The following CCDC85A variants were observed in gnomAD, a reference collection of about 807,000 sequenced individuals.
CCDC85A encodes the protein coiled-coil domain-containing protein 85A.
CCDC85A carries 38 observed loss-of-function variants against 50.2 expected under a neutral mutation model. That is an observed-to-expected ratio of 0.76 (90% CI 0.58 to 0.99). The LOEUF (loss-of-function observed/expected upper bound fraction) is 0.99. Among genes scored for constraint, CCDC85A ranks in the 50% least tolerant of loss-of-function variants. The pLI is 0.00. For missense variants in CCDC85A, 820 were observed against 742.0 expected (o/e 1.11, Z -1.22); for synonymous variants, 366 against 301.4 (o/e 1.21, Z -2.22).
intron 2 of CCDC85A, among the ~76,000 whole-genome samples, chr2:56,271,845 G>T (rs1164997999): frequency 6.6e-6 from 1 of 152,182 alleles, no homozygotes; most frequent in African/African-American, 2.4e-5. Context: ...AGTCGTATCA[G>T]TAGCTTTCTG....
chr2:56,308,496 C>T (rs1672542951), intron 2 of CCDC85A, among the ~76,000 whole-genome samples: 1 of 152,150 alleles, frequency 6.6e-6, no homozygotes, highest in South Asian at 2.1e-4. Flanking sequence ...CAAAATCTGG[C>T]TCTGTTGCCT....
At chr2:56,331,864 T>C (rs1673816848) in intron 2 of CCDC85A, among the ~76,000 whole-genome samples, 1 of 152,236 alleles carries the variant, frequency 6.6e-6, no homozygotes, top group Non-Finnish European at 1.5e-5. Context: ...GCTTTGCTTT[T>C]CCCTTCCTTT....
intron 2 of CCDC85A, among the ~76,000 whole-genome samples, chr2:56,262,697 G>C (rs573621724): frequency 2.6e-5 from 4 of 152,172 alleles, no homozygotes; most frequent in African/African-American, 9.7e-5. Context: ...TCTCATGCTC[G>C]AAGTCAGTTT....
chr2:56,347,539 T>C (rs1450504747), intron 3 of CCDC85A, among the ~76,000 whole-genome samples: 1 of 152,226 alleles, frequency 6.6e-6, no homozygotes, highest in African/African-American at 2.4e-5. Context: ...AACGCCATGG[T>C]ATACAACATA....
intron 2 of CCDC85A, among the ~76,000 whole-genome samples, chr2:56,274,446 A>G (rs1454684452): frequency 5.3e-5 from 8 of 152,204 alleles, no homozygotes; most frequent in Admixed American, 2.0e-4. Flanking sequence ...GCAGGACAAC[A>G]GGCTGGAGGC....
chr2:56,319,507 G>T (rs542279934), intron 2 of CCDC85A, among the ~76,000 whole-genome samples: 1 of 152,090 alleles, frequency 6.6e-6, no homozygotes, highest in South Asian at 2.1e-4. Context: ...ATGCTGTTTT[G>T]CAGTAAATAA....
chr2:56,313,184 CTT>C (rs1470204323), intron 2 of CCDC85A, among the ~76,000 whole-genome samples: 1 of 151,998 alleles, frequency 6.6e-6, no homozygotes, highest in East Asian at 1.9e-4. Flanking sequence ...TAGTCATGTT[CTT>C]TTTTGTTGTA....
intron 2 of CCDC85A, among the ~76,000 whole-genome samples, chr2:56,201,331 T>C (rs1465686714): frequency 6.6e-6 from 1 of 152,152 alleles, no homozygotes; most frequent in African/African-American, 2.4e-5. Flanking sequence ...GGTTGAGGGA[T>C]AGAACGTTTA....
At chr2:56,194,022 C>G (rs1676430656) in intron 2 of CCDC85A, among the ~76,000 whole-genome samples, 1 of 152,168 alleles carries the variant, frequency 6.6e-6, no homozygotes, top group African/African-American at 2.4e-5. Context: ...TGTTGGAGGC[C>G]TGAATCTGTG....
chr2:56,300,519 A>G (rs1672153156), intron 2 of CCDC85A, among the ~76,000 whole-genome samples: 1 of 152,150 alleles, frequency 6.6e-6, no homozygotes, highest in Non-Finnish European at 1.5e-5. Flanking sequence ...GTGTAGAAGA[A>G]GCTTACTCTA....
At chr2:56,212,033 G>A (rs990985381) in intron 2 of CCDC85A, among the ~76,000 whole-genome samples, 12 of 151,990 alleles carry the variant, frequency 7.9e-5, no homozygotes, top group South Asian at 2.1e-4. Context: ...ACTCAGCTCA[G>A]CTCATAGACC....
intron 2 of CCDC85A, among the ~76,000 whole-genome samples, chr2:56,263,422 A>C (rs1266161516): frequency 1.3e-5 from 2 of 152,204 alleles, no homozygotes; most frequent in African/African-American, 2.4e-5. Context: ...GTGTAATTGA[A>C]ATGAAACAGA....
At chr2:56,354,604 A>G (rs967618810) in intron 3 of CCDC85A, among the ~76,000 whole-genome samples, 10 of 152,314 alleles carry the variant, frequency 6.6e-5, no homozygotes, top group Middle Eastern at 3.4e-3. Context: ...TGTAGCTTTT[A>G]CTGTTTAGAA....
At chr2:56,245,277 G>A (rs1185502824) in intron 2 of CCDC85A, among the ~76,000 whole-genome samples, 1 of 152,206 alleles carries the variant, frequency 6.6e-6, no homozygotes, top group African/African-American at 2.4e-5. Flanking sequence ...CTTCTTTCCA[G>A]GGCTGGTCTA....
intron 5 of CCDC85A, among the ~76,000 whole-genome samples, chr2:56,377,830 G>A (rs916533811): frequency 4.6e-5 from 7 of 151,528 alleles, no homozygotes; most frequent in African/African-American, 1.7e-4. Context: ...AGAGGTTGCA[G>A]TGAGCCGAGA....
chr2:56,332,813 A>C (rs1673880744), intron 2 of CCDC85A, among the ~76,000 whole-genome samples: 1 of 152,170 alleles, frequency 6.6e-6, no homozygotes, highest in South Asian at 2.1e-4. Flanking sequence ...CAAAGTTTCC[A>C]TCCAAAGTTT....
intron 4 of CCDC85A, among the ~76,000 whole-genome samples, chr2:56,373,923 G>A (rs1161787819): frequency 6.6e-6 from 1 of 152,184 alleles, no homozygotes; most frequent in African/African-American, 2.4e-5. Flanking sequence ...AGGATCCAAA[G>A]TATAGAGGAA....
At chr2:56,209,420 C>G (rs1357867233) in intron 2 of CCDC85A, among the ~76,000 whole-genome samples, 1 of 141,100 alleles carries the variant, frequency 7.1e-6, no homozygotes, top group East Asian at 2.1e-4. Flanking sequence ...AAGTCTGTTC[C>G]TTTTTTTTTT....
At chr2:56,250,788 C>T (rs923180115) in intron 2 of CCDC85A, among the ~76,000 whole-genome samples, 1 of 152,110 alleles carries the variant, frequency 6.6e-6, no homozygotes, top group Admixed American at 6.6e-5. Context: ...TTTGTCATTG[C>T]TAGAGTTGAT....
Sources: allele counts gnomAD v4.1 joint callset (sites outside exome capture counted in the v4.1 genomes callset), GRCh38; gene constraint gnomAD v4.1.1; transcripts MANE v1.5; gene names NCBI Gene and HGNC (gene_info 2026-07-23, HGNC 2026-07-21).